HSPA12A: variants seen among roughly 807,000 people sequenced by gnomAD.
HSPA12A encodes the protein heat shock protein family A (Hsp70) member 12A.
In HSPA12A, 28 loss-of-function variants were observed where a neutral mutation model predicts 69.2. That is an observed-to-expected ratio of 0.40 (90% confidence interval 0.30 to 0.55). The LOEUF is 0.55. HSPA12A is among the 20% of genes least tolerant of loss of function. HSPA12A has a pLI of 0.38. For synonymous variants in HSPA12A, 345 were observed against 370.5 expected (o/e 0.93, Z 0.79); for missense variants, 686 against 900.7 (o/e 0.76, Z 3.05).
At chr10:116,741,084 T>C (rs1157877188) in intron 1 of HSPA12A, among the ~76,000 whole-genome samples, 1 of 145,178 alleles carries the variant, frequency 6.9e-6, no homozygotes, top group African/African-American at 2.6e-5. Context: ...GGGGACTGGG[T>C]GTGTGTTTGG....
At chr10:116,765,235 TC>T (rs1165718422) in intron 2 of HSPA12A, among the ~76,000 whole-genome samples, 1 of 152,148 alleles carries the variant, frequency 6.6e-6, no homozygotes, top group Non-Finnish European at 1.5e-5. Context: ...TAAATACCAT[TC>T]CCCACCCAAA....
chr10:116,759,167 A>G (rs1843917624), intron 2 of HSPA12A, among the ~76,000 whole-genome samples: 1 of 152,212 alleles, frequency 6.6e-6, no homozygotes, highest in African/African-American at 2.4e-5. Flanking sequence ...CCTTCTATCC[A>G]AGAAAGTTTC....
In HSPA12A at chr10:116,774,059, G is replaced by A. The variant is rs538259514; in HGVS notation, c.91+60876C>T. Among the ~76,000 whole-genome samples, 4 of 151,758 alleles carry A rather than the reference G, an allele frequency of 2.6e-5. 1 individual carries two copies. The South Asian group carries it at 8.4e-4, about 32-fold the overall frequency. On this transcript the variant is annotated intron_variant, in intron 2 of 12. Coordinates refer to the HSPA12A transcript ENST00000635765. ...GAGTCTCGCTCTGTCCCCCAGGCTGGAGTGCAGTGGCGGGATCTCTGCTCA... is the reference window on the plus strand; with the variant it reads ...GAGTCTCGCTCTGTCCCCCAGGCTGAAGTGCAGTGGCGGGATCTCTGCTCA...
At chr10:116,770,247 C>T (rs1844170669) in intron 2 of HSPA12A, among the ~76,000 whole-genome samples, 1 of 152,144 alleles carries the variant, frequency 6.6e-6, no homozygotes, top group East Asian at 1.9e-4. Context: ...TGAATGATTA[C>T]CAAGAGTTTG....
chr10:116,760,360 G>A (rs1843941773), intron 2 of HSPA12A, among the ~76,000 whole-genome samples: 1 of 151,936 alleles, frequency 6.6e-6, no homozygotes, highest in African/African-American at 2.4e-5. Context: ...CAGGCTGGTA[G>A]CAGCCTAAGA....
chr10:116,819,447 A>G (rs1845369288), intron 2 of HSPA12A, among the ~76,000 whole-genome samples: 1 of 152,146 alleles, frequency 6.6e-6, no homozygotes, highest in Non-Finnish European at 1.5e-5. Flanking sequence ...TTGAGAGGTG[A>G]CTGGGTCATG....
intron 1 of HSPA12A, among the ~76,000 whole-genome samples, chr10:116,722,273 C>T (rs1850805428): frequency 6.6e-6 from 1 of 152,214 alleles, no homozygotes; most frequent in Non-Finnish European, 1.5e-5. Flanking sequence ...ACAATCCTCC[C>T]CCACAGAGCC....
At position 116,694,371 on chromosome 10, in the gene HSPA12A, A is replaced by C. The variant is rs1027967071; in HGVS notation, c.547-1904T>G. 3.3e-5 allele frequency among the ~76,000 whole-genome samples: 5 copies of C among 152,200 alleles called. No individual in the cohort carries two copies. The East Asian group carries it at 9.7e-4, about 29-fold the overall frequency. ...TGGCAAGGTCTAGCTCCTCCTATAC[A>C]TCAAACAGCTTTTTCTCCTGGAATT... On this transcript the variant is annotated intron_variant, in intron 5 of 11. Coordinates refer to ENST00000369209, the MANE Select transcript of HSPA12A (RefSeq NM_025015.3).
intron 2 of HSPA12A, among the ~76,000 whole-genome samples, chr10:116,783,827 C>T (rs1422172512): frequency 6.6e-6 from 1 of 152,120 alleles, no homozygotes; most frequent in Non-Finnish European, 1.5e-5. Context: ...CTCAGCTTCC[C>T]GAGTAGCTGG....
intron 2 of HSPA12A, 70 bp from the exon 3 acceptor site, chr10:116,705,348 G>C: frequency 6.4e-7 from 1 of 1,562,410 alleles, no homozygotes; most frequent in Non-Finnish European, 8.8e-7. Flanking sequence ...CACCCCTGGG[G>C]GGTCTCACCT....
At chr10:116,837,165 G>A (rs186472240) in intron 1 of HSPA12A, among the ~76,000 whole-genome samples, 20 of 152,312 alleles carry the variant, frequency 1.3e-4, no homozygotes, top group Admixed American at 9.1e-4. Flanking sequence ...ATGTGAAGGA[G>A]TAATTTACCT....
chr10:116,785,326 G>C (rs1844553021), intron 2 of HSPA12A, among the ~76,000 whole-genome samples: 1 of 152,150 alleles, frequency 6.6e-6, no homozygotes, highest in Non-Finnish European at 1.5e-5. Context: ...ACAGCCTAGT[G>C]CTGCTGTGGA....
chr10:116,694,613 G>A (rs1214303254), intron 5 of HSPA12A, among the ~76,000 whole-genome samples: 1 of 151,922 alleles, frequency 6.6e-6, no homozygotes, highest in African/African-American at 2.4e-5. Flanking sequence ...CCAACATCCT[G>A]GGCTTTCTGA....
At chr10:116,747,038 T>A (rs782568115), upstream of HSPA12A, among the ~76,000 whole-genome samples, 28 of 152,206 alleles carry the variant, frequency 1.8e-4, 1 homozygote, top group Admixed American at 1.4e-3. Context: ...CCTGGGCAAA[T>A]GTCAGCCGCC....
intron 3 of HSPA12A, among the ~76,000 whole-genome samples, chr10:116,701,501 T>C (rs531326940): frequency 5.9e-5 from 9 of 152,384 alleles, no homozygotes; most frequent in South Asian, 2.1e-4. Flanking sequence ...GCAGATATAC[T>C]GCTAGCTTGA....
chr10:116,750,277 T>C (rs377140847), intron 2 of HSPA12A: 4 of 816,332 alleles, frequency 4.9e-6, no homozygotes, highest in Admixed American at 1.7e-5. Flanking sequence ...TGGAGGTGAC[T>C]GGTGATGAAT....
chr10:116,727,359 C>T (rs868948954), intron 1 of HSPA12A, among the ~76,000 whole-genome samples: 7 of 152,182 alleles, frequency 4.6e-5, no homozygotes, highest in Non-Finnish European at 1.0e-4. Context: ...GGTGGCCTCT[C>T]CAGCAGGACG....
At chr10:116,741,186 C>G (rs1851493845) in intron 1 of HSPA12A, among the ~76,000 whole-genome samples, 1 of 152,050 alleles carries the variant, frequency 6.6e-6, no homozygotes, top group African/African-American at 2.4e-5. Context: ...ACTGCAGTGC[C>G]GCGTGGGGAG....
chr10:116,791,281 A>G (rs999420385), intron 2 of HSPA12A, among the ~76,000 whole-genome samples: 3 of 152,232 alleles, frequency 2.0e-5, no homozygotes, highest in Non-Finnish European at 4.4e-5. Flanking sequence ...AGATGTGTTT[A>G]AAGCATCTTT....
Sources: gnomAD v4.1 joint callset for allele counts (sites outside exome capture counted in the v4.1 genomes callset) on GRCh38, gnomAD v4.1.1 for gene constraint, MANE v1.5 for transcripts, NCBI Gene and HGNC (gene_info 2026-07-23, HGNC 2026-07-21) for gene names.